JAKMIP3: variants seen among roughly 807,000 people sequenced by gnomAD.
JAKMIP3 encodes Janus kinase and microtubule interacting protein 3.
Under a neutral mutation model 118.5 loss-of-function variants are expected in JAKMIP3, and 58 were observed. That is an observed-to-expected ratio of 0.49 (90% CI 0.40 to 0.61). JAKMIP3 has a LOEUF of 0.61. Ranked by LOEUF, JAKMIP3 falls within the 20% of genes least tolerant of loss-of-function variation. The pLI is 0.00. For missense variants in JAKMIP3, 950 were observed against 1,109.0 expected (o/e 0.86, Z 2.04); for synonymous variants, 486 against 451.2 (o/e 1.08, Z -0.98).
intron 19 of JAKMIP3, among the ~76,000 whole-genome samples, chr10:132,161,765 T>G (rs1276965837): frequency 1.9e-5 from 1 of 53,944 alleles, no homozygotes. Flanking sequence ...TGCTGGGGGG[T>G]GTCTCTCCCT....
chr10:132,135,930 T>C lies in JAKMIP3; in HGVS notation c.970T>C (p.Leu324=), dbSNP rs371753886. Residue 324 remains leucine (L), a splice_region_variant and synonymous_variant, in exon 6 of 24, where the codon TTG becomes CTG. Transcript: ENST00000684848. ...ALLSEERNEL[L]KRVREAESQY... ...AATCACATAGTGCGTTGTCTTTCAG[T>C]TGAAGCGCGTAAGAGAAGCTGAGAG... 24 of 1,611,242 alleles carry C rather than the reference T, an allele frequency of 1.5e-5. No homozygotes were observed. The highest frequency in any genetic ancestry group is 1.9e-5 in the Non-Finnish European group (22 of 1,179,106).
chr10:132,116,499 T>C (rs1188669574), intron 2 of JAKMIP3, among the ~76,000 whole-genome samples: 1 of 142,238 alleles, frequency 7.0e-6, no homozygotes, highest in East Asian at 2.2e-4. Context: ...CAAATGCACA[T>C]TCAGGTGTGA....
At chr10:132,149,342 C>T in intron 14 of JAKMIP3, 70 bp from the exon 15 acceptor site, 2 of 1,052,750 alleles carry the variant, frequency 1.9e-6, no homozygotes, top group Non-Finnish European at 2.8e-6. Flanking sequence ...GTTCCTCAGG[C>T]CCCAGCACAG....
intron 1 of JAKMIP3, among the ~76,000 whole-genome samples, chr10:132,082,120 C>T (rs1478689174): frequency 6.6e-6 from 1 of 150,582 alleles, no homozygotes; most frequent in Admixed American, 6.6e-5. Flanking sequence ...TTGACCAAAC[C>T]CAACCTGGTA....
At chr10:132,078,344 A>AT (rs397718310) in intron 1 of JAKMIP3, among the ~76,000 whole-genome samples, 75,108 of 151,122 alleles carry the variant, frequency 0.5, 20,551 homozygotes, top group East Asian at 0.98. Context: ...TTGCTGGGAC[A>AT]TTTTTTTTTC....
chr10:132,102,776 A>T (rs2045188437), intron 1 of JAKMIP3, among the ~76,000 whole-genome samples: 1 of 151,956 alleles, frequency 6.6e-6, no homozygotes, highest in South Asian at 2.1e-4. Flanking sequence ...CCACACCCAC[A>T]CAGCTTGGCC....
intron 2 of JAKMIP3, among the ~76,000 whole-genome samples, chr10:132,106,262 T>C (rs1161727944): frequency 6.6e-6 from 1 of 151,762 alleles, no homozygotes; most frequent in Non-Finnish European, 1.5e-5. Flanking sequence ...TACTTGAGTC[T>C]AGGAGGTTGA....
At chr10:132,056,510 G>A (rs957309536) in intron 1 of JAKMIP3, among the ~76,000 whole-genome samples, 2 of 152,124 alleles carry the variant, frequency 1.3e-5, no homozygotes, top group African/African-American at 2.4e-5. Flanking sequence ...CCCCTTTGTG[G>A]CTCTGCTGCC....
At chr10:132,128,089 G>A (rs545785467) in intron 3 of JAKMIP3, among the ~76,000 whole-genome samples, 5 of 152,150 alleles carry the variant, frequency 3.3e-5, no homozygotes, top group Non-Finnish European at 5.9e-5. Context: ...AGAATTATTT[G>A]CATTGTGGGT....
chr10:132,074,591 G>A (rs549056967), intron 1 of JAKMIP3, among the ~76,000 whole-genome samples: 14 of 152,146 alleles, frequency 9.2e-5, no homozygotes, highest in South Asian at 8.3e-4. Flanking sequence ...GCTCTTTGTC[G>A]TATGCATAGT....
intron 1 of JAKMIP3, among the ~76,000 whole-genome samples, chr10:132,052,380 CCTT>C (rs1474969166): frequency 6.6e-6 from 1 of 152,200 alleles, no homozygotes; most frequent in African/African-American, 2.4e-5. Flanking sequence ...TCCTTCTCCT[CCTT>C]GAGTTTTCTT....
In JAKMIP3 at chr10:132,157,889, T is replaced by C. The variant is rs566943288; in HGVS notation, c.2220+3899T>C. 1.8e-4 allele frequency among the ~76,000 whole-genome samples: 27 copies of C among 152,268 alleles called. No individual in the cohort carries two copies. The East Asian group carries it at 4.2e-3, about 24-fold the overall frequency. ...ACTGTTTTGAGGGCCTGGCAGAATT[T>C]GGGTAATTTTTACGAGGTTGATGGC... On this transcript the variant is annotated intron_variant, in intron 19 of 23. Coordinates refer to ENST00000684848, the MANE Select transcript of JAKMIP3 (RefSeq NM_001323087.2).
chr10:132,124,766 G>A (rs935973410), intron 3 of JAKMIP3, among the ~76,000 whole-genome samples: 3 of 152,232 alleles, frequency 2.0e-5, no homozygotes, highest in African/African-American at 4.8e-5. Context: ...ATGGGGCGAC[G>A]AGGGGAATCG....
In JAKMIP3 at chr10:132,038,410, C is replaced by T. The variant is rs545052890; in HGVS notation, c.-138+1672C>T. Among the ~76,000 whole-genome samples, 134 of 152,294 alleles carry T rather than the reference C, an allele frequency of 8.8e-4. 1 individual carries two copies. Among genetic ancestry groups the T allele is most frequent in the African/African-American group, 3.1e-3 (128 of 41,562 alleles). The stretch of plus-strand genomic sequence containing the variant: ...TGGTCCCACAAGTGTGCATGCATGA[C>T]ACTTTTGCAAGATCTAGGAGTTTGT... On this transcript the variant is annotated intron_variant, in intron 1 of 23. Coordinates refer to the JAKMIP3 transcript ENST00000657785.
intron 19 of JAKMIP3, among the ~76,000 whole-genome samples, chr10:132,158,153 A>G (rs1230683074): frequency 7.1e-6 from 1 of 140,976 alleles, no homozygotes; most frequent in African/African-American, 2.7e-5. Flanking sequence ...CCCTAACGTC[A>G]CAGATAATTC....
Position 132,141,915 on chromosome 10 carries a change from T to C in JAKMIP3, c.1474-5T>C. The C allele has an allele frequency of 6.3e-7, 1 of 1,592,354 alleles. No homozygotes were observed. The highest frequency in any genetic ancestry group is 8.5e-7 in the Non-Finnish European group (1 of 1,170,112). On this transcript the variant is annotated splice_polypyrimidine_tract_variant and splice_region_variant and intron_variant, in intron 10 of 23. Coordinates refer to ENST00000684848, the MANE Select transcript of JAKMIP3 (RefSeq NM_001323087.2). The stretch of plus-strand genomic sequence containing the variant: ...TGTGCGTGTGTGGCATCCGTGTCTC[T>C]CCAGGGCATGGCCAAGGAGGAGACG...
In JAKMIP3 at chr10:132,153,714, G is replaced by A. The variant is rs552648742; in HGVS notation, c.2074-45G>A. On this transcript the variant is annotated intron_variant, in intron 17 of 23. Coordinates refer to ENST00000684848, the MANE Select transcript of JAKMIP3 (RefSeq NM_001323087.2). ...CCAGCTGTCTCCACGAGCCGGGGTG[G>A]GGGACCCTAGGGGTCACTGTCCTGC... The A allele has an allele frequency of 8.2e-5, 130 of 1,589,282 alleles. No homozygotes were observed. In the South Asian group the frequency reaches 1.4e-3, roughly 17 times the overall value.
intron 2 of JAKMIP3, among the ~76,000 whole-genome samples, chr10:132,111,588 C>G (rs1350019056): frequency 6.6e-6 from 1 of 151,788 alleles, no homozygotes; most frequent in Non-Finnish European, 1.5e-5. Flanking sequence ...CCTGGGGACA[C>G]TTTGGAGGGA....
At position 132,117,377 on chromosome 10, in the gene JAKMIP3, G is replaced by A. The variant is rs565537154; in HGVS notation, c.436G>A (p.Gly146Arg). 10 of 1,613,990 alleles carry A rather than the reference G, an allele frequency of 6.2e-6. No individual in the cohort carries two copies. The highest frequency in any genetic ancestry group is 2.2e-5 in the East Asian group (1 of 44,864). ...LSEAKEEAKK[G>R]FEVEKVKMQQ... ...CGAGGCCAAGGAGGAGGCCAAGAAG[G>A]GGTTCGAGGTGGAGAAGGTCAAGAT... Residue 146 changes from glycine to arginine, a missense_variant, in exon 3 of 24, where the codon GGG becomes AGG. By Grantham distance (125) the Gly-to-Arg change is moderately radical. Transcript: ENST00000684848. This position sits in a 1 kb window ranked among gnomAD's most constrained non-coding sequence, Gnocchi z 8.6.
Sources: gnomAD v4.1 joint callset for allele counts (sites outside exome capture counted in the v4.1 genomes callset) on GRCh38, gnomAD v4.1.1 for gene constraint, Gnocchi (gnomAD v3.1) non-coding constraint, MANE v1.5 for transcripts, NCBI Gene and HGNC (gene_info 2026-07-23, HGNC 2026-07-21) for gene names.